CAMTA1: variants seen among roughly 807,000 people sequenced by gnomAD.
CAMTA1 encodes calmodulin binding transcription activator 1.
A neutral mutation model predicts 170.9 loss-of-function variants in CAMTA1; 27 were observed. That is an observed-to-expected ratio of 0.16 (90% CI 0.12 to 0.22). The LOEUF is 0.22. Ranked by LOEUF, CAMTA1 falls within the 10% of genes least tolerant of loss-of-function variation. The pLI is 1.00. For missense variants in CAMTA1, 1,619 were observed against 2,217.2 expected, an observed-to-expected ratio of 0.73 and a Z score of 5.42; for synonymous variants, 833 against 891.5, an observed-to-expected ratio of 0.93 and a Z score of 1.17.
chr1:6,899,538 ACGCG>A (rs753718746), intron 3 of CAMTA1, among the ~76,000 whole-genome samples: 8 of 117,670 alleles, frequency 6.8e-5, no homozygotes, highest in African/African-American at 3.0e-4. Context: ...TATGTGTATA[ACGCG>A]CACGCGCGCG....
chr1:7,457,540 C>A (rs950447063), intron 5 of CAMTA1, among the ~76,000 whole-genome samples: 1 of 152,088 alleles, frequency 6.6e-6, no homozygotes, highest in African/African-American at 2.4e-5. Context: ...TCAGTGTCCC[C>A]GGGCCAGGCT....
intron 5 of CAMTA1, among the ~76,000 whole-genome samples, chr1:7,401,614 T>C (rs576564395): frequency 6.6e-6 from 1 of 152,346 alleles, no homozygotes; most frequent in South Asian, 2.1e-4. Context: ...GGTCTTCACA[T>C]CAACATGGTA....
At chr1:7,419,289 G>T (rs1325614637) in intron 5 of CAMTA1, among the ~76,000 whole-genome samples, 1 of 152,176 alleles carries the variant, frequency 6.6e-6, no homozygotes, top group African/African-American at 2.4e-5. Flanking sequence ...CCAAGTAGCT[G>T]GGATTACAGG....
At chr1:6,876,797 G>A (rs80290507) in intron 3 of CAMTA1, among the ~76,000 whole-genome samples, 1,890 of 152,270 alleles carry the variant, frequency 0.012, 32 homozygotes, top group African/African-American at 0.043. Flanking sequence ...GAAGATCTTA[G>A]GTAATTTAGC....
At position 7,677,198 on chromosome 1, in the gene CAMTA1, C is replaced by T. The variant is rs6665178; in HGVS notation, c.2780-401C>T. Among the ~76,000 whole-genome samples, 1,125 of 152,250 alleles carry T rather than the reference C, an allele frequency of 7.4e-3. 6 individuals are homozygous for T. Among genetic ancestry groups the T allele is most frequent in the Middle Eastern group, 0.017 (5 of 294 alleles). The stretch of plus-strand genomic sequence containing the variant: ...TGAAACAAAATAAGCGCAAATAAAT[C>T]CAAAGCAAATTTTGTACCCGAGCCC... On this transcript the variant is annotated intron_variant, in intron 10 of 22. Coordinates refer to ENST00000303635, the MANE Select transcript of CAMTA1 (RefSeq NM_015215.4).
chr1:7,095,849 G>A (rs1455714623), intron 4 of CAMTA1, among the ~76,000 whole-genome samples: 1 of 152,252 alleles, frequency 6.6e-6, no homozygotes, highest in African/African-American at 2.4e-5. Flanking sequence ...ACCGGGCTGA[G>A]CCCAGGACAG....
intron 4 of CAMTA1, among the ~76,000 whole-genome samples, chr1:7,203,888 G>A (rs1657179311): frequency 6.7e-6 from 1 of 149,912 alleles, no homozygotes; most frequent in Non-Finnish European, 1.5e-5. Context: ...CTGGAGTGCA[G>A]TGGCGTGATC....
intron 11 of CAMTA1, among the ~76,000 whole-genome samples, chr1:7,695,816 A>G (rs967282362): frequency 6.6e-6 from 1 of 152,122 alleles, no homozygotes; most frequent in Admixed American, 6.5e-5. Flanking sequence ...TTTAGCACCA[A>G]AGGTATCTGC....
rs1223354110 is a variant in CAMTA1, at chr1:7,561,375, C to T, written c.511-79025C>T. Among the ~76,000 whole-genome samples, 3 of 151,808 alleles carry T rather than the reference C, an allele frequency of 2.0e-5. No individual in the cohort carries two copies. Among genetic ancestry groups the T allele is most frequent in the African/African-American group, 7.3e-5 (3 of 41,338 alleles). On this transcript the variant is annotated intron_variant, in intron 6 of 22. Coordinates refer to ENST00000303635, the MANE Select transcript of CAMTA1 (RefSeq NM_015215.4). The surrounding 1 kb of genome is among the most constrained non-coding windows in gnomAD (Gnocchi z 5.3). ...AGGGACAGGCAGAGAGGCCGGCGGG[C>T]AGCAGGCCAATGGGCCAGGCAGGTG...
At chr1:6,906,178 C>CG in intron 3 of CAMTA1, among the ~76,000 whole-genome samples, 1 of 120,112 alleles carries the variant, frequency 8.3e-6, no homozygotes, top group South Asian at 2.6e-4. Context: ...CGTGTCATGT[C>CG]AAATGGTACT....
At chr1:7,619,589 A>G (rs1314529659) in intron 6 of CAMTA1, among the ~76,000 whole-genome samples, 2 of 152,164 alleles carry the variant, frequency 1.3e-5, no homozygotes, top group Admixed American at 6.5e-5. Context: ...TAATTGGCCA[A>G]TGAGATTCAC....
In CAMTA1 at chr1:7,685,258, A is replaced by G. The variant is rs2096248803; in HGVS notation, c.2914+7525A>G. On this transcript the variant is annotated intron_variant, in intron 11 of 22. Transcript: ENST00000303635. This position sits in a 1 kb window ranked among gnomAD's most constrained non-coding sequence, Gnocchi z 5.7. ...ACTATATACACAGCAATACGTATTT[A>G]GGGAAGGATGCAGATATGGGAAAGA... Among the ~76,000 whole-genome samples the G allele has an allele frequency of 6.6e-6, 1 of 152,166 alleles. No homozygotes were observed. The highest frequency in any genetic ancestry group is 1.5e-5 in the Non-Finnish European group (1 of 68,020).
At position 6,820,227 on chromosome 1, in the gene CAMTA1, TC is replaced by T; in HGVS notation, c.93del (p.Asn32ThrfsTer6). The part of the protein sequence containing the change: ...VFCGTSTYCV[L>X]NTVPPIEDDH... ...TGCGGAACTAGCACCTACTGTGTTC[TC>T]AACACCGTGCCACCTATAGAAGGTA... is the stretch of plus-strand genomic sequence containing the variant. On this transcript the variant is annotated frameshift_variant, in exon 2 of 23. Coordinates refer to ENST00000303635, the MANE Select transcript of CAMTA1 (RefSeq NM_015215.4). LOFTEE classifies it high-confidence loss of function. 6.2e-7 allele frequency: 1 copy of T among 1,613,980 alleles called. No homozygotes were observed. Among genetic ancestry groups the T allele is most frequent in the Non-Finnish European group, 8.5e-7 (1 of 1,179,822 alleles).
Position 7,455,786 on chromosome 1 carries a change from C to A in CAMTA1, c.439-12044C>A, listed in dbSNP as rs2092936438. 6.6e-6 allele frequency among the ~76,000 whole-genome samples: 1 copy of A among 152,236 alleles called. No homozygotes were observed. Among genetic ancestry groups the A allele is most frequent in the Non-Finnish European group, 1.5e-5 (1 of 68,042 alleles). Reference sequence around the variant, plus strand: ...GACGCCTGCCCACAGGAGAAGAGAGCCACTGATTTCTGGGCAGCACTTGGC... The same window carrying A: ...GACGCCTGCCCACAGGAGAAGAGAGACACTGATTTCTGGGCAGCACTTGGC... On this transcript the variant is annotated intron_variant, in intron 5 of 22. Transcript: ENST00000303635. The surrounding 1 kb of genome is among the most constrained non-coding windows in gnomAD (Gnocchi z 5.0).
intron 5 of CAMTA1, among the ~76,000 whole-genome samples, chr1:7,258,721 G>T (rs1017261887): frequency 1.1e-4 from 16 of 152,180 alleles, no homozygotes; most frequent in African/African-American, 3.9e-4. Context: ...ATCAAATATT[G>T]ATCCTCTCTG....
intron 10 of CAMTA1, among the ~76,000 whole-genome samples, 190 bp from the exon 11 acceptor site, chr1:7,677,409 C>T (rs987289412): frequency 5.9e-5 from 9 of 152,170 alleles, no homozygotes; most frequent in Non-Finnish European, 8.8e-5. Context: ...TGAGTCTGGG[C>T]GAACCAAGAA....
chr1:6,904,231 C>T (rs535065024), intron 3 of CAMTA1, among the ~76,000 whole-genome samples: 1 of 152,296 alleles, frequency 6.6e-6, no homozygotes, highest in African/African-American at 2.4e-5. Context: ...TATTAAATCC[C>T]ATGGCCTCTT....
At chr1:6,916,387 GC>G (rs958226848) in intron 3 of CAMTA1, among the ~76,000 whole-genome samples, 1 of 152,160 alleles carries the variant, frequency 6.6e-6, no homozygotes, top group African/African-American at 2.4e-5. Context: ...TTCCTGTAAG[GC>G]CCGCCCCACC....
chr1:7,098,021 T>TA (rs977874178), intron 4 of CAMTA1, among the ~76,000 whole-genome samples: 4 of 151,566 alleles, frequency 2.6e-5, no homozygotes, highest in African/African-American at 9.7e-5. Flanking sequence ...TTACTACAAT[T>TA]AAAAAAAAAT....
Sources: gnomAD v4.1 joint callset for allele counts (sites outside exome capture counted in the v4.1 genomes callset) on GRCh38, gnomAD v4.1.1 for gene constraint, Gnocchi (gnomAD v3.1) non-coding constraint, MANE v1.5 for transcripts, NCBI Gene and HGNC (gene_info 2026-07-23, HGNC 2026-07-21) for gene names.